ASTN1: variants seen among roughly 807,000 people sequenced by gnomAD.
The protein encoded by ASTN1 is astrotactin 1, also known as astrotactin-1.
Under a neutral mutation model 140.7 loss-of-function variants are expected in ASTN1, and 41 were observed. That is an observed-to-expected ratio of 0.29 (90% CI 0.23 to 0.38). The LOEUF (loss-of-function observed/expected upper bound fraction) is 0.38, where lower values mean the gene tolerates loss of function less well. ASTN1 is among the 10% of genes least tolerant of loss of function. ASTN1 has a pLI of 1.00. For missense variants in ASTN1, 1,479 were observed against 1,678.8 expected (o/e 0.88, Z 2.08); for synonymous variants, 640 against 652.2 (o/e 0.98, Z 0.29).
chr1:176,923,151 A>G (rs1404793029), intron 16 of ASTN1, among the ~76,000 whole-genome samples: 1 of 152,182 alleles, frequency 6.6e-6, no homozygotes, highest in Admixed American at 6.5e-5. Flanking sequence ...ACTACATTCA[A>G]CTACTTCCAT....
intron 16 of ASTN1, among the ~76,000 whole-genome samples, chr1:176,917,039 G>T (rs1301115189): frequency 6.6e-6 from 1 of 151,994 alleles, no homozygotes; most frequent in Non-Finnish European, 1.5e-5. Flanking sequence ...TCAGCCTGAG[G>T]TTCCCTCACC....
chr1:177,057,546 TC>T (rs1380716745), intron 2 of ASTN1, among the ~76,000 whole-genome samples: 1 of 152,192 alleles, frequency 6.6e-6, no homozygotes, highest in Non-Finnish European at 1.5e-5. Flanking sequence ...ATTAATTCCC[TC>T]TTGCACATAT....
In ASTN1 at chr1:176,868,997, T is replaced by A; in HGVS notation, c.3494A>T (p.Asn1165Ile). ...CTGCTCCTTCCCACTAGTGTAGCCA[T>A]TGAAGAGATTGTAGATCTTGTCTGC... ...EIADKIYNLFNGYTSGKEQQT... is the reference protein window; with the variant it reads ...EIADKIYNLFIGYTSGKEQQT... Residue 1165 changes from asparagine to isoleucine, a missense_variant, in exon 22 of 23, where the codon AAT (asparagine) becomes ATT (isoleucine). Asn to Ile is a moderately radical substitution (Grantham distance 149). Around this residue, in one of 3 missense-constraint regions of ASTN1, gnomAD observed 746 missense variants for 800.9 expected, o/e 0.93. Transcript: ENST00000361833. 6.2e-7 allele frequency: 1 copy of A among 1,601,768 alleles called. No homozygotes were observed. The highest frequency in any genetic ancestry group is 1.1e-5 in the South Asian group (1 of 88,156).
At chr1:176,920,058 T>C (rs933158369) in intron 16 of ASTN1, among the ~76,000 whole-genome samples, 1 of 152,248 alleles carries the variant, frequency 6.6e-6, no homozygotes, top group Non-Finnish European at 1.5e-5. Context: ...AAAAACACTT[T>C]AAGGCTCGCT....
chr1:176,952,700 T>TA (rs1204729643), intron 11 of ASTN1, among the ~76,000 whole-genome samples: 1 of 152,190 alleles, frequency 6.6e-6, no homozygotes, highest in African/African-American at 2.4e-5. Flanking sequence ...CCCTTCATCC[T>TA]AGAAGTGTTT....
At chr1:176,940,625 G>A (rs979027322) in intron 14 of ASTN1, among the ~76,000 whole-genome samples, 2 of 152,080 alleles carry the variant, frequency 1.3e-5, no homozygotes, top group East Asian at 3.8e-4. Flanking sequence ...AAGTGATGAC[G>A]GCTATAGCAA....
chr1:177,006,407 A>G (rs1010319221), intron 8 of ASTN1, among the ~76,000 whole-genome samples: 1 of 151,628 alleles, frequency 6.6e-6, no homozygotes, highest in Non-Finnish European at 1.5e-5. Flanking sequence ...TATTGATTAA[A>G]AAAAAAAAAG....
rs771207543 is a variant in ASTN1, at chr1:176,949,341, C to A, written c.1898G>T (p.Gly633Val). The A allele has an allele frequency of 3.1e-6, 5 of 1,613,524 alleles. No individual in the cohort carries two copies. Among genetic ancestry groups the A allele is most frequent in the South Asian group, 1.1e-5 (1 of 91,052 alleles). Residue 633 changes from glycine (G) to valine (V), a missense_variant, in exon 12 of 23, where the codon GGA (glycine) becomes GTA (valine). Transcript: ENST00000361833. The stretch of plus-strand genomic sequence containing the variant: ...AGAGCTGTCCTTCATGGGACTGAGT[C>A]CAGATGGGCACTGGCACAATCAGAA... ...LDSTGCVCPSGLSPMKDSSGC... is the reference protein window; with the variant it reads ...LDSTGCVCPSVLSPMKDSSGC...
chr1:177,155,647 T>C (rs1471043598), intron 1 of ASTN1, among the ~76,000 whole-genome samples: 3 of 152,078 alleles, frequency 2.0e-5, no homozygotes, highest in East Asian at 3.9e-4. Context: ...GGATGGTAGA[T>C]GGTGGGAGTC....
At chr1:177,141,033 G>A (rs936543517) in intron 1 of ASTN1, among the ~76,000 whole-genome samples, 2 of 152,082 alleles carry the variant, frequency 1.3e-5, no homozygotes, top group African/African-American at 2.4e-5. Context: ...TGGCCCACAT[G>A]GTAAAACCCC....
chr1:176,861,469 C>A lies in ASTN1; in HGVS notation c.*2815G>T, dbSNP rs1441617665. The A allele has an allele frequency of 4.1e-6, 4 of 985,720 alleles. No individual in the cohort carries two copies. In the East Asian group the frequency reaches 4.5e-4, roughly 112 times the overall value. 61.1% of individuals were successfully genotyped at this position (985,720 alleles called of 1,614,324 possible). A position where few individuals can be genotyped will look rare whatever the true frequency, so the allele number is the denominator to read the frequency against. ...GAAAACTCAAGGTTGAATACCGGTCCAGTACCATCACCCTTTCTAGCCAGG... is the reference window on the plus strand; with the variant it reads ...GAAAACTCAAGGTTGAATACCGGTCAAGTACCATCACCCTTTCTAGCCAGG... On this transcript the variant is annotated 3_prime_UTR_variant, in exon 23 of 23. Transcript: ENST00000361833.
chr1:176,878,896 T>G (rs912390447), intron 20 of ASTN1, among the ~76,000 whole-genome samples: 4 of 152,180 alleles, frequency 2.6e-5, no homozygotes, highest in Non-Finnish European at 5.9e-5. Flanking sequence ...AGCACTGCCC[T>G]CTAGGGGCCC....
rs61758728 is a variant in ASTN1, at chr1:177,029,689, G to A, written c.1065C>T (p.Asn355=). ...CCGTGTAAAAGGTCAGCTGGGGGTC[G>A]TTTTCTGCCTCTGTGCCAGAATCCC... is the stretch of plus-strand genomic sequence containing the variant. ...PEGDSGTEAE[N]DPQLTFYTDP... The change falls in exon 5 of 23, where the codon AAC becomes AAT. Residue 355 remains asparagine (N), a synonymous_variant. Transcript: ENST00000361833. 1.9e-4 allele frequency: 306 copies of A among 1,613,560 alleles called. No homozygotes were observed. Among genetic ancestry groups the A allele is most frequent in the Non-Finnish European group, 2.4e-4 (283 of 1,179,858 alleles).
chr1:176,876,547 G>A lies in ASTN1; in HGVS notation c.3453C>T (p.Val1151=). 1 of 1,614,154 alleles carries A rather than the reference G, an allele frequency of 6.2e-7. No homozygotes were observed. The part of the protein sequence containing the change: ...VKTPCPVVDD[V]KAQEIADKIY... ...TTCGATGTCTCTTACCTTGAGCCTTGACATCATCCACCACGGGGCATGGGG... is the reference window on the plus strand; with the variant it reads ...TTCGATGTCTCTTACCTTGAGCCTTAACATCATCCACCACGGGGCATGGGG... Residue 1151 remains valine, a synonymous_variant, in exon 21 of 23, where the codon GTC becomes GTT. Coordinates refer to ENST00000361833, the MANE Select transcript of ASTN1 (RefSeq NM_004319.3).
chr1:177,161,292 C>T (rs554300867), intron 1 of ASTN1, among the ~76,000 whole-genome samples: 5 of 152,296 alleles, frequency 3.3e-5, no homozygotes, highest in East Asian at 1.9e-4. Flanking sequence ...CCAGGCAGGC[C>T]GATCCCCACA....
intron 1 of ASTN1, among the ~76,000 whole-genome samples, chr1:177,084,985 G>C (rs1679359270): frequency 6.6e-6 from 1 of 152,164 alleles, no homozygotes; most frequent in Non-Finnish European, 1.5e-5. Flanking sequence ...ACTGGACCAA[G>C]AGCCTGCTGA....
Position 177,084,393 on chromosome 1 carries a change from G to A in ASTN1, c.284-23128C>T, listed in dbSNP as rs531751445. Among the ~76,000 whole-genome samples, 69 of 152,252 alleles carry A rather than the reference G, an allele frequency of 4.5e-4. 1 individual carries two copies. The South Asian group carries it at 9.9e-3, about 22-fold the overall frequency. ...CCTTCCCAATCACAGAGGTGCCAAC[G>A]AGTGTGTCCCCCCACAAAGAGAAAA... is the stretch of plus-strand genomic sequence containing the variant. On this transcript the variant is annotated intron_variant, in intron 1 of 22. Transcript: ENST00000361833.
At chr1:177,142,746 C>T (rs1363775240) in intron 1 of ASTN1, among the ~76,000 whole-genome samples, 2 of 152,136 alleles carry the variant, frequency 1.3e-5, no homozygotes, top group African/African-American at 4.8e-5. Flanking sequence ...TTTGCTCTAT[C>T]TGGAAGTCAT....
chr1:177,119,951 TA>T (rs1363427723), intron 1 of ASTN1, among the ~76,000 whole-genome samples: 1 of 152,102 alleles, frequency 6.6e-6, no homozygotes, highest in Non-Finnish European at 1.5e-5. Flanking sequence ...AAGCTTCCCA[TA>T]TAGAAGCCAG....
Sources: allele counts gnomAD v4.1 joint callset (sites outside exome capture counted in the v4.1 genomes callset), GRCh38; gene constraint gnomAD v4.1.1; regional missense constraint gnomAD v4.1.1; transcripts MANE v1.5; gene names NCBI Gene and HGNC (gene_info 2026-07-23, HGNC 2026-07-21).